PRKN: variants seen among roughly 807,000 people sequenced by gnomAD.
The protein encoded by PRKN is parkin RBR E3 ubiquitin protein ligase.
In PRKN, 56 loss-of-function variants were observed where a neutral mutation model predicts 59.5. The ratio of observed to expected loss-of-function variants is 0.94; its 90% CI spans 0.76 to 1.18. PRKN has a LOEUF of 1.18. Ranked by LOEUF, PRKN falls within the 50% of genes most tolerant of loss-of-function variation. PRKN has a pLI of 0.00. For synonymous variants in PRKN, 250 were observed against 222.1 expected (o/e 1.13, Z -1.12); for missense variants, 657 against 596.4 (o/e 1.10, Z -1.06).
chr6:162,571,775 G>C (rs1780338632), intron 1 of PRKN, among the ~76,000 whole-genome samples: 1 of 152,152 alleles, frequency 6.6e-6, no homozygotes, highest in African/African-American at 2.4e-5. Context: ...AACGAGGAAA[G>C]AGCCCAGAGG....
At position 161,387,000 on chromosome 6, in the gene PRKN, A is replaced by G. The variant is rs539788992; in HGVS notation, c.1084-123T>C. The G allele has an allele frequency of 1.2e-6, 1 of 813,306 alleles. No homozygotes were observed. The highest frequency in any genetic ancestry group is 2.1e-6 in the Non-Finnish European group (1 of 470,108). The allele number at this position is 813,306 out of a possible 1,614,324, so 50.4% of individuals were successfully genotyped here. A position where few individuals can be genotyped will look rare whatever the true frequency, so the allele number is the denominator to read the frequency against. On this transcript the variant is annotated intron_variant, in intron 9 of 11. Coordinates refer to ENST00000366898, the MANE Select transcript of PRKN (RefSeq NM_004562.3). This position sits in a 1 kb window ranked among gnomAD's most constrained non-coding sequence, Gnocchi z 4.3. ...CTTGTGCAACAGTTTCTGTATAAAA[A>G]TACTTTTTTTGCAAAGAGAAATCAA...
chr6:162,028,819 A>G (rs1027290557), intron 5 of PRKN, among the ~76,000 whole-genome samples: 4 of 152,210 alleles, frequency 2.6e-5, no homozygotes, highest in African/African-American at 9.6e-5. Flanking sequence ...GACTGGCTTC[A>G]GGGTGACAGC....
chr6:162,197,461 T>G (rs1426153729), intron 4 of PRKN, among the ~76,000 whole-genome samples: 3 of 152,250 alleles, frequency 2.0e-5, no homozygotes, highest in African/African-American at 7.2e-5. Flanking sequence ...TAAGCATATT[T>G]TTTTCAAGAG....
In PRKN at chr6:161,349,574, T is replaced by C. The variant is rs1198117543; in HGVS notation, c.*525A>G. 4.2e-6 allele frequency: 1 copy of C among 239,862 alleles called. No homozygotes were observed. Among genetic ancestry groups the C allele is most frequent in the African/African-American group, 2.2e-5 (1 of 45,450 alleles). 14.9% of individuals were successfully genotyped at this position (239,862 alleles called of 1,614,324 possible). On this transcript the variant is annotated 3_prime_UTR_variant, in exon 12 of 12. Coordinates refer to ENST00000366898, the MANE Select transcript of PRKN (RefSeq NM_004562.3). The surrounding 1 kb of genome is among the most constrained non-coding windows in gnomAD (Gnocchi z 5.5). The stretch of plus-strand genomic sequence containing the variant: ...CTGAAAATTTAAATAAGAACATTAC[T>C]GTTAAAGCCATGAATCTAGTTTGGA...
In PRKN at chr6:161,530,774, T is replaced by C. The variant is rs1028183712; in HGVS notation, c.1083+18080A>G. Among the ~76,000 whole-genome samples the C allele has an allele frequency of 6.6e-6, 1 of 151,974 alleles. No homozygotes were observed. Among genetic ancestry groups the C allele is most frequent in the African/African-American group, 2.4e-5 (1 of 41,422 alleles). On this transcript the variant is annotated intron_variant, in intron 9 of 11. Transcript: ENST00000366898. The surrounding 1 kb of genome is among the most constrained non-coding windows in gnomAD (Gnocchi z 5.0). ...CTCAGGTGATCCGCCCGTATTGGCC[T>C]CCCAAAGTGCTGGGATTACAGGCGT...
intron 3 of PRKN, among the ~76,000 whole-genome samples, chr6:162,218,422 G>GGTGTGTGGCAGCCTAGAGTCCTGCT (rs1777794521): frequency 6.6e-6 from 1 of 152,160 alleles, no homozygotes; most frequent in Non-Finnish European, 1.5e-5. Context: ...AGAACCCTGA[G>GGTGTGTGGCAGCCTAGAGTCCTGCT]GTGTGTGGCA....
At chr6:162,444,399 A>G (rs2128168160) in intron 1 of PRKN, among the ~76,000 whole-genome samples, 1 of 151,448 alleles carries the variant, frequency 6.6e-6, no homozygotes, top group East Asian at 1.9e-4. Flanking sequence ...GTGAGGAAAG[A>G]CTCCAAGATC....
chr6:162,400,347 G>A (rs1239994519), intron 2 of PRKN, among the ~76,000 whole-genome samples: 1 of 150,794 alleles, frequency 6.6e-6, no homozygotes, highest in Non-Finnish European at 1.5e-5. Context: ...TCAGTTTGTG[G>A]TTTGTGGAGC....
intron 7 of PRKN, among the ~76,000 whole-genome samples, chr6:161,613,101 G>A (rs1782548660): frequency 6.6e-6 from 1 of 152,160 alleles, no homozygotes; most frequent in Non-Finnish European, 1.5e-5. Flanking sequence ...TTCTGGAAAG[G>A]ATTCACCATT....
chr6:161,472,252 A>G (rs1205886181), intron 9 of PRKN, among the ~76,000 whole-genome samples: 2 of 152,190 alleles, frequency 1.3e-5, no homozygotes, highest in African/African-American at 4.8e-5. Flanking sequence ...TGAAAATAGA[A>G]TGGATGCCTT....
At chr6:161,795,843 G>A (rs949593926) in intron 6 of PRKN, among the ~76,000 whole-genome samples, 1 of 152,126 alleles carries the variant, frequency 6.6e-6, no homozygotes, top group African/African-American at 2.4e-5. Context: ...ATAGGGAAGT[G>A]GGAAAAAGAT....
chr6:162,300,435 C>A (rs956813889), intron 2 of PRKN, among the ~76,000 whole-genome samples: 1 of 152,044 alleles, frequency 6.6e-6, no homozygotes, highest in African/African-American at 2.4e-5. Context: ...AAGAGAAGAT[C>A]ATGCAAAATG....
rs1438869816 is a variant in PRKN at position 161,443,525 on chromosome 6, C to T, written c.1084-56648G>A. 3.9e-5 allele frequency among the ~76,000 whole-genome samples: 6 copies of T among 152,190 alleles called. No homozygotes were observed. In the East Asian group the frequency reaches 7.7e-4, roughly 20 times the overall value. On this transcript the variant is annotated intron_variant, in intron 9 of 11. Transcript: ENST00000366898. ...GCCCGCTGGAAGATAAGTTCATTGT[C>T]GCACAGACTTTGTAACATTGTAAGG...
intron 7 of PRKN, among the ~76,000 whole-genome samples, chr6:161,634,405 T>C (rs929324652): frequency 2.0e-5 from 3 of 152,210 alleles, no homozygotes; most frequent in African/African-American, 7.2e-5. Context: ...AGCACTGACC[T>C]GTGGCAACTC....
intron 4 of PRKN, among the ~76,000 whole-genome samples, chr6:162,106,691 G>A (rs1002345112): frequency 3.3e-5 from 5 of 152,074 alleles, no homozygotes; most frequent in Admixed American, 6.6e-5. Flanking sequence ...ACAAGTTCAC[G>A]GAAAGGAAAA....
intron 1 of PRKN, among the ~76,000 whole-genome samples, chr6:162,449,455 G>A (rs1790483532): frequency 1.3e-5 from 2 of 152,200 alleles, no homozygotes; most frequent in South Asian, 4.1e-4. Context: ...TCAATGTTAA[G>A]TGACCTTGCA....
At chr6:162,281,281 G>C (rs573454668) in intron 2 of PRKN, among the ~76,000 whole-genome samples, 4 of 152,214 alleles carry the variant, frequency 2.6e-5, no homozygotes, top group Admixed American at 1.3e-4. Context: ...TGGGGGGCTA[G>C]GGAAGGGATA....
At chr6:161,866,444 G>A (rs575434604) in intron 6 of PRKN, among the ~76,000 whole-genome samples, 17 of 152,160 alleles carry the variant, frequency 1.1e-4, no homozygotes, top group Non-Finnish European at 1.9e-4. Context: ...GCGTGGTGGC[G>A]CATGCCTGTA....
chr6:162,036,251 GA>G (rs1562475804), intron 5 of PRKN, among the ~76,000 whole-genome samples: 2 of 151,774 alleles, frequency 1.3e-5, no homozygotes, highest in African/African-American at 4.8e-5. Context: ...GTGAACCCGG[GA>G]GGCGGAGCTT....
Sources: allele counts gnomAD v4.1 joint callset (sites outside exome capture counted in the v4.1 genomes callset), GRCh38; gene constraint gnomAD v4.1.1; non-coding constraint Gnocchi (gnomAD v3.1); transcripts MANE v1.5; gene names NCBI Gene and HGNC (gene_info 2026-07-23, HGNC 2026-07-21).